Variants in PLCB1 observed in about 807,000 individuals in gnomAD.
PLCB1 encodes phospholipase C beta 1.
PLCB1 carries 46 observed loss-of-function variants against 161.8 expected under a neutral mutation model. The ratio of observed to expected loss-of-function variants is 0.28; its 90% confidence interval spans 0.22 to 0.36. PLCB1 has a LOEUF of 0.36. Ranked by LOEUF, PLCB1 falls within the 10% of genes least tolerant of loss-of-function variation. PLCB1 has a pLI of 1.00. For synonymous variants in PLCB1, 517 were observed against 503.7 expected, an observed-to-expected ratio of 1.03 and a Z score of -0.35; for missense variants, 1,016 against 1,472.5, an observed-to-expected ratio of 0.69 and a Z score of 5.07.
intron 2 of PLCB1, among the ~76,000 whole-genome samples, chr20:8,253,527 A>G (rs531716416): frequency 6.6e-6 from 1 of 152,114 alleles, no homozygotes; most frequent in South Asian, 2.1e-4. Flanking sequence ...GGCTAAATGC[A>G]TTTCTGGTCT....
chr20:8,222,381 CGTA>C (rs1979458125), intron 2 of PLCB1, among the ~76,000 whole-genome samples: 1 of 152,090 alleles, frequency 6.6e-6, no homozygotes, highest in Admixed American at 6.6e-5. Flanking sequence ...TCTGGGGTAA[CGTA>C]GTTGTTTCAA....
intron 10 of PLCB1, among the ~76,000 whole-genome samples, chr20:8,685,851 A>C (rs976141085): frequency 1.3e-5 from 2 of 152,232 alleles, no homozygotes; most frequent in African/African-American, 2.4e-5. Flanking sequence ...AAATATTATA[A>C]TAAAGTAGGA....
intron 31 of PLCB1, among the ~76,000 whole-genome samples, chr20:8,824,957 CA>C (rs1336680085): frequency 6.6e-6 from 1 of 152,156 alleles, no homozygotes; most frequent in Non-Finnish European, 1.5e-5. Flanking sequence ...ACACTGGCCA[CA>C]GAGGTGAAGC....
At chr20:8,163,687 C>T (rs2051647891) in intron 2 of PLCB1, among the ~76,000 whole-genome samples, 1 of 152,160 alleles carries the variant, frequency 6.6e-6, no homozygotes, top group Non-Finnish European at 1.5e-5. Flanking sequence ...GAAATGCCGG[C>T]CGACATACCC....
intron 2 of PLCB1, among the ~76,000 whole-genome samples, chr20:8,369,609 G>A (rs538667801): frequency 1.5e-4 from 23 of 152,276 alleles, no homozygotes; most frequent in African/African-American, 3.6e-4. Flanking sequence ...TGTGGCCTTC[G>A]GGGAACTGTG....
chr20:8,595,067 T>G lies in PLCB1; in HGVS notation c.247-33227T>G, dbSNP rs192985450. Among the ~76,000 whole-genome samples the G allele has an allele frequency of 1.1e-4, 16 of 152,328 alleles. No homozygotes were observed. The East Asian group carries it at 2.9e-3, about 28-fold the overall frequency. ...GGTGTAATACAAAGACATAGAATAT[T>G]TAAAGGCAATTAATATGTCTATACA... On this transcript the variant is annotated intron_variant, in intron 3 of 31. Transcript: ENST00000338037.
chr20:8,334,421 G>A (rs1232573200), intron 2 of PLCB1, among the ~76,000 whole-genome samples: 1 of 151,938 alleles, frequency 6.6e-6, no homozygotes, highest in Non-Finnish European at 1.5e-5. Context: ...CAAATAACAG[G>A]CATTCATTAT....
intron 31 of PLCB1, among the ~76,000 whole-genome samples, chr20:8,811,762 C>A (rs1984833617): frequency 6.6e-6 from 1 of 152,250 alleles, no homozygotes; most frequent in African/African-American, 2.4e-5. Flanking sequence ...AGCCACAGGC[C>A]TGCCTGGCTG....
chr20:8,195,506 T>A (rs565138642), intron 2 of PLCB1, among the ~76,000 whole-genome samples: 17 of 152,198 alleles, frequency 1.1e-4, no homozygotes, highest in African/African-American at 3.4e-4. Context: ...GTCTGCATCC[T>A]CTTCATCCAA....
intron 3 of PLCB1, among the ~76,000 whole-genome samples, chr20:8,484,736 G>A (rs1168104668): frequency 2.0e-5 from 3 of 152,100 alleles, no homozygotes; most frequent in Non-Finnish European, 4.4e-5. Flanking sequence ...TATCCTTATA[G>A]TCCCCTTGTG....
chr20:8,602,991 C>T (rs186239165), intron 3 of PLCB1, among the ~76,000 whole-genome samples: 2 of 151,874 alleles, frequency 1.3e-5, no homozygotes, highest in East Asian at 3.9e-4. Context: ...TTTTGTAAAG[C>T]CCCAGATATA....
chr20:8,860,566 A>C (rs138134724), intron 31 of PLCB1, among the ~76,000 whole-genome samples: 2 of 152,324 alleles, frequency 1.3e-5, no homozygotes, highest in East Asian at 3.9e-4. Flanking sequence ...AATACCACAG[A>C]GCCATTTGTT....
At chr20:8,623,028 C>T (rs2123203077) in intron 3 of PLCB1, among the ~76,000 whole-genome samples, 1 of 152,286 alleles carries the variant, frequency 6.6e-6, no homozygotes, top group Admixed American at 6.5e-5. Flanking sequence ...CCATTTTCTG[C>T]TTCTTCTATG....
chr20:8,336,715 C>T (rs1985594749), intron 2 of PLCB1, among the ~76,000 whole-genome samples: 1 of 152,076 alleles, frequency 6.6e-6, no homozygotes, highest in Admixed American at 6.6e-5. Context: ...TAAAATAACC[C>T]TAAATTTCCA....
chr20:8,573,795 T>A (rs138179096), intron 3 of PLCB1, among the ~76,000 whole-genome samples: 1 of 152,288 alleles, frequency 6.6e-6, no homozygotes, highest in Non-Finnish European at 1.5e-5. Context: ...AGTGGGTGAT[T>A]ACAGTGATAG....
intron 13 of PLCB1, among the ~76,000 whole-genome samples, chr20:8,716,814 A>G (rs1979341931): frequency 6.6e-6 from 1 of 152,184 alleles, no homozygotes; most frequent in African/African-American, 2.4e-5. Context: ...CATTGCATTG[A>G]TGATATCTCT....
intron 3 of PLCB1, among the ~76,000 whole-genome samples, chr20:8,462,974 C>T (rs746217888): frequency 3.3e-5 from 5 of 151,950 alleles, no homozygotes; most frequent in East Asian, 1.9e-4. Context: ...ATTCCAACCT[C>T]GAATAAATGA....
At chr20:8,190,693 A>C (rs1250746429) in intron 2 of PLCB1, among the ~76,000 whole-genome samples, 2 of 152,110 alleles carry the variant, frequency 1.3e-5, no homozygotes, top group African/African-American at 4.8e-5. Context: ...TTGCTAGTGT[A>C]AGTTGGCTAT....
chr20:8,375,232 C>G (rs1188067610), intron 3 of PLCB1, among the ~76,000 whole-genome samples: 2 of 152,204 alleles, frequency 1.3e-5, no homozygotes, highest in African/African-American at 4.8e-5. Flanking sequence ...CTCCCTCCTT[C>G]CGGCCCTCCC....
Sources: allele counts gnomAD v4.1 joint callset (sites outside exome capture counted in the v4.1 genomes callset), GRCh38; gene constraint gnomAD v4.1.1; transcripts MANE v1.5; gene names NCBI Gene and HGNC (gene_info 2026-07-23, HGNC 2026-07-21).